LARP1B: variants seen among roughly 807,000 people sequenced by gnomAD.
LARP1B encodes la-related protein 1B.
In LARP1B, 76 loss-of-function variants were observed where a neutral mutation model predicts 114.2. The ratio of observed to expected loss-of-function variants is 0.67; its 90% CI spans 0.55 to 0.81. The LOEUF is 0.81. Ranked by LOEUF, LARP1B falls within the 30% of genes least tolerant of loss-of-function variation. The pLI is 0.00. For synonymous variants in LARP1B, 345 were observed against 348.0 expected, an observed-to-expected ratio of 0.99 and a Z score of 0.10; for missense variants, 1,014 against 1,075.8, an observed-to-expected ratio of 0.94 and a Z score of 0.80.
Position 128,105,066 on chromosome 4 carries a change from G to T in LARP1B, c.814-2073G>T, listed in dbSNP as rs1561229927. Among the ~76,000 whole-genome samples the T allele has an allele frequency of 1.1e-4, 11 of 96,012 alleles. No individual in the cohort carries two copies. The South Asian group carries it at 4.6e-3, about 40-fold the overall frequency. 63.0% of individuals were successfully genotyped at this position (96,012 alleles called of 152,430 possible). On this transcript the variant is annotated intron_variant, in intron 8 of 19. Coordinates refer to ENST00000326639, the MANE Select transcript of LARP1B (RefSeq NM_018078.4). ...TAAACATATGGGAAAGTTTCAAGGA[G>T]TTTTTTTTTTGTTTTTTTTTTACAT...
chr4:128,160,956 A>T (rs1248222331), intron 11 of LARP1B, among the ~76,000 whole-genome samples: 1 of 152,210 alleles, frequency 6.6e-6, no homozygotes, highest in Admixed American at 6.5e-5. Context: ...TTGTAATGAT[A>T]TTTAATTTCC....
intron 15 of LARP1B, among the ~76,000 whole-genome samples, chr4:128,184,244 A>G (rs940835505): frequency 2.0e-5 from 3 of 152,176 alleles, no homozygotes; most frequent in East Asian, 1.9e-4. Context: ...AGAAGAGTCA[A>G]TCAATGTAGC....
In LARP1B at chr4:128,210,866, T is replaced by A; in HGVS notation, c.*813T>A. The A allele has an allele frequency of 2.0e-6, 2 of 984,602 alleles. No homozygotes were observed. Among genetic ancestry groups the A allele is most frequent in the Non-Finnish European group, 2.4e-6 (2 of 829,160 alleles). The allele number at this position is 984,602 out of a possible 1,614,324, so 61.0% of individuals were successfully genotyped here. The stretch of plus-strand genomic sequence containing the variant: ...CCTGCATTGGGATTGATTGGAATAT[T>A]GTCCTAAATTAATTAAATCTTGCAC... On this transcript the variant is annotated 3_prime_UTR_variant, in exon 20 of 20. Coordinates refer to ENST00000326639, the MANE Select transcript of LARP1B (RefSeq NM_018078.4).
At position 128,210,710 on chromosome 4, in the gene LARP1B, C is replaced by T. The variant is rs1340923254; in HGVS notation, c.*657C>T. 2 of 984,670 alleles carry T rather than the reference C, an allele frequency of 2.0e-6. No individual in the cohort carries two copies. The highest frequency in any genetic ancestry group is 2.4e-6 in the Non-Finnish European group (2 of 829,432). 61.0% of individuals were successfully genotyped at this position (984,670 alleles called of 1,614,324 possible). A position where few individuals can be genotyped will look rare whatever the true frequency, so the allele number is the denominator to read the frequency against. ...TTTTGATGCTAGGTTTTGCTTTTCT[C>T]CCCCCAGTCATATCTCATGATTTCC... is the stretch of plus-strand genomic sequence containing the variant. On this transcript the variant is annotated 3_prime_UTR_variant, in exon 20 of 20. Transcript: ENST00000326639.
At chr4:128,063,487 A>C (rs1761189211) in intron 1 of LARP1B, among the ~76,000 whole-genome samples, 1 of 149,914 alleles carries the variant, frequency 6.7e-6, no homozygotes, top group Non-Finnish European at 1.5e-5. Flanking sequence ...CCATGACAAA[A>C]AGCAGTATCT....
chr4:128,204,541 G>A (rs1287318257), intron 17 of LARP1B, among the ~76,000 whole-genome samples: 3 of 151,852 alleles, frequency 2.0e-5, no homozygotes, highest in Non-Finnish European at 4.4e-5. Context: ...TGTAATCCCA[G>A]CTACTTGGGA....
At chr4:128,081,910 T>G (rs1173696968) in intron 4 of LARP1B, among the ~76,000 whole-genome samples, 1 of 152,150 alleles carries the variant, frequency 6.6e-6, no homozygotes, top group South Asian at 2.1e-4. Context: ...AATTTTTGTG[T>G]TTTTTAGTAG....
chr4:128,159,975 TAGC>T (rs1737680459), intron 11 of LARP1B, among the ~76,000 whole-genome samples: 1 of 152,250 alleles, frequency 6.6e-6, no homozygotes, highest in African/African-American at 2.4e-5. Flanking sequence ...TGCTCATCAA[TAGC>T]AGAATGGATT....
chr4:128,094,400 CTTTT>C (rs776529101), intron 7 of LARP1B, among the ~76,000 whole-genome samples: 1 of 128,740 alleles, frequency 7.8e-6, no homozygotes, highest in Non-Finnish European at 1.6e-5. Context: ...TTTTCTTTTT[CTTTT>C]TTTTTTTTTT....
At chr4:128,164,209 A>G (rs1182263516) in intron 12 of LARP1B, among the ~76,000 whole-genome samples, 1 of 152,086 alleles carries the variant, frequency 6.6e-6, no homozygotes, top group Non-Finnish European at 1.5e-5. Flanking sequence ...AAATAATAAT[A>G]TTATAAATAC....
chr4:128,146,772 T>G (rs1030121074), intron 11 of LARP1B, among the ~76,000 whole-genome samples: 1 of 152,182 alleles, frequency 6.6e-6, no homozygotes, highest in African/African-American at 2.4e-5. Context: ...ATACAAGATA[T>G]TTCAAAGCAG....
intron 8 of LARP1B, among the ~76,000 whole-genome samples, chr4:128,103,124 T>TTTTTA: frequency 6.6e-6 from 1 of 152,186 alleles, no homozygotes; most frequent in Non-Finnish European, 1.5e-5. Context: ...AATACTGATG[T>TTTTTA]ACCCAGTAAC....
intron 12 of LARP1B, among the ~76,000 whole-genome samples, chr4:128,164,629 A>G (rs1739923849): frequency 6.6e-6 from 1 of 152,174 alleles, no homozygotes; most frequent in Non-Finnish European, 1.5e-5. Context: ...TTAAAACCAT[A>G]GCAATACGCC....
In LARP1B at chr4:128,151,491, CT is replaced by C. The variant is rs928778734; in HGVS notation, c.1525-10694del. ...CTTTCATTTAGAATAGTTGTGCTGC[CT>C]TTTTTTTTCTTTTTGGCTATTCATG... is the stretch of plus-strand genomic sequence containing the variant. On this transcript the variant is annotated intron_variant, in intron 11 of 19. Transcript: ENST00000326639. 2.0e-5 allele frequency among the ~76,000 whole-genome samples: 3 copies of C among 150,982 alleles called. No homozygotes were observed. In the South Asian group the frequency reaches 6.3e-4, roughly 32 times the overall value.
At chr4:128,134,175 A>T (rs1056938632) in intron 11 of LARP1B, among the ~76,000 whole-genome samples, 2 of 151,596 alleles carry the variant, frequency 1.3e-5, no homozygotes, top group Admixed American at 6.6e-5. Context: ...TAATTAATGA[A>T]TTTTTTTTGT....
intron 4 of LARP1B, 125 bp from the exon 5 acceptor site, chr4:128,082,040 T>C (rs772384972): frequency 1.2e-5 from 11 of 955,830 alleles, no homozygotes; most frequent in Non-Finnish European, 1.7e-5. Context: ...CTGGCCTCTT[T>C]ACAAATAATC....
intron 1 of LARP1B, among the ~76,000 whole-genome samples, chr4:128,073,135 T>C (rs1003463280): frequency 2.0e-5 from 3 of 152,070 alleles, no homozygotes; most frequent in Non-Finnish European, 4.4e-5. Context: ...CTACCTTGGC[T>C]GGGCGCCGTG....
intron 15 of LARP1B, among the ~76,000 whole-genome samples, chr4:128,182,409 T>C (rs990944246): frequency 1.1e-4 from 16 of 152,258 alleles, no homozygotes; most frequent in African/African-American, 3.6e-4. Context: ...CATGCCCAGC[T>C]ACTATTTTGT....
chr4:128,160,247 G>A (rs1737813691), intron 11 of LARP1B, among the ~76,000 whole-genome samples: 1 of 152,170 alleles, frequency 6.6e-6, no homozygotes, highest in Admixed American at 6.5e-5. Context: ...ACAAACTGTG[G>A]TTACATGCAC....
Sources: allele counts gnomAD v4.1 joint callset (sites outside exome capture counted in the v4.1 genomes callset), GRCh38; gene constraint gnomAD v4.1.1; transcripts MANE v1.5; gene names NCBI Gene and HGNC (gene_info 2026-07-23, HGNC 2026-07-21).